The following RSPH14 variants were observed in gnomAD, a reference collection of about 807,000 sequenced individuals.
The protein encoded by RSPH14 is radial spoke head 14 homolog.
RSPH14 carries 20 observed loss-of-function variants against 26.7 expected under a neutral mutation model. The observed-to-expected ratio is 0.75, with a 90% CI of 0.53 to 1.09. The LOEUF is 1.09. Ranked by LOEUF, RSPH14 falls within the 50% of genes least tolerant of loss-of-function variation. The probability of loss-of-function intolerance (pLI) is 0.00; values close to 1 mark genes in which losing one functional copy is unlikely to be tolerated. For synonymous variants in RSPH14, 177 were observed against 189.3 expected (o/e 0.93, Z 0.53); for missense variants, 449 against 457.2 (o/e 0.98, Z 0.16).
At chr22:23,085,684 G>A (rs1000643677) in intron 4 of RSPH14, among the ~76,000 whole-genome samples, 4 of 152,156 alleles carry the variant, frequency 2.6e-5, no homozygotes, top group Admixed American at 6.5e-5. Flanking sequence ...CAGTGCCTCC[G>A]CCCTGGTTGT....
At chr22:23,119,541 C>T (rs1354821690) in intron 4 of RSPH14, among the ~76,000 whole-genome samples, 1 of 152,250 alleles carries the variant, frequency 6.6e-6, no homozygotes, top group Non-Finnish European at 1.5e-5. Context: ...CTGCCAGCAC[C>T]ACACTGTCCC....
chr22:23,156,089 G>T, the RSPH14 span: 1 of 1,491,582 alleles, frequency 6.7e-7, no homozygotes. Context: ...TCCCTGCCGG[G>T]CTCCACAGTG....
At chr22:23,165,003 C>T in the RSPH14 span, among the ~76,000 whole-genome samples, 2 of 151,590 alleles carry the variant, frequency 1.3e-5, no homozygotes, top group Non-Finnish European at 2.9e-5. Flanking sequence ...GACACCCCTA[C>T]TCCCAGAGAG....
intron 4 of RSPH14, among the ~76,000 whole-genome samples, chr22:23,102,838 C>G (rs1213874749): frequency 6.6e-6 from 1 of 152,188 alleles, no homozygotes; most frequent in Non-Finnish European, 1.5e-5. Flanking sequence ...TTGTCAGGTG[C>G]CTTGGCAGAA....
At chr22:23,165,503 A>C in the RSPH14 span, among the ~76,000 whole-genome samples, 1 of 152,232 alleles carries the variant, frequency 6.6e-6, no homozygotes, top group South Asian at 2.1e-4. Flanking sequence ...GGCAGAACTG[A>C]ACAGGTCTCG....
intron 4 of RSPH14, chr22:23,122,228 T>C (rs934585946): frequency 6.6e-6 from 1 of 152,280 alleles, no homozygotes; most frequent in Non-Finnish European, 1.5e-5. Flanking sequence ...AAGAGCATCA[T>C]GCTTCTTAAA....
chr22:23,153,279 C>T, the RSPH14 span: 3 of 683,624 alleles, frequency 4.4e-6, no homozygotes, highest in Non-Finnish European at 7.5e-6. Context: ...CACTTAGCTT[C>T]CTGGCTCCCA....
At chr22:23,123,553 C>T (rs1911810706) in intron 4 of RSPH14, 2 of 636,990 alleles carry the variant, frequency 3.1e-6, no homozygotes, top group South Asian at 1.9e-5. Context: ...TCCCCCACCC[C>T]TTGGCCTCTG....
At chr22:23,100,963 T>C (rs1164748508) in intron 4 of RSPH14, among the ~76,000 whole-genome samples, 1 of 152,248 alleles carries the variant, frequency 6.6e-6, no homozygotes, top group African/African-American at 2.4e-5. Flanking sequence ...CTTGTTTTAG[T>C]GCTTTTAAAA....
chr22:23,099,080 C>T (rs2069214493), intron 4 of RSPH14, among the ~76,000 whole-genome samples: 1 of 152,250 alleles, frequency 6.6e-6, no homozygotes, highest in African/African-American at 2.4e-5. Flanking sequence ...GCTCAGCTTC[C>T]AAGGCCTCAT....
chr22:23,062,408 T>C (rs2068116136), intron 5 of RSPH14, among the ~76,000 whole-genome samples: 1 of 152,180 alleles, frequency 6.6e-6, no homozygotes, highest in Admixed American at 6.5e-5. Context: ...ACTCTGGCAC[T>C]GAATGAAGTT....
intron 4 of RSPH14, among the ~76,000 whole-genome samples, chr22:23,078,784 C>T (rs1402692169): frequency 6.6e-6 from 1 of 152,192 alleles, no homozygotes; most frequent in African/African-American, 2.4e-5. Flanking sequence ...GGGGTGGGAG[C>T]ACACTTGCAG....
chr22:23,106,011 G>A (rs927429937), intron 4 of RSPH14, among the ~76,000 whole-genome samples: 19 of 152,170 alleles, frequency 1.2e-4, no homozygotes, highest in Non-Finnish European at 2.1e-4. Context: ...GGAGCTCCAG[G>A]CCCTTTCGGA....
At chr22:23,114,679 G>A (rs748785267) in intron 4 of RSPH14, among the ~76,000 whole-genome samples, 4 of 152,254 alleles carry the variant, frequency 2.6e-5, no homozygotes, top group African/African-American at 4.8e-5. Context: ...CACGAGGGAA[G>A]TATGCTTACA....
At chr22:23,132,027 C>G (rs1264855842) in intron 4 of RSPH14, among the ~76,000 whole-genome samples, 1 of 152,236 alleles carries the variant, frequency 6.6e-6, no homozygotes, top group Non-Finnish European at 1.5e-5. Context: ...AGTCATTTCT[C>G]TCTGAGCCTT....
chr22:23,090,988 A>G (rs1421926590), intron 4 of RSPH14, among the ~76,000 whole-genome samples: 1 of 152,136 alleles, frequency 6.6e-6, no homozygotes, highest in Non-Finnish European at 1.5e-5. Context: ...CTTCTGCCCC[A>G]GTCGCCTCAG....
intron 4 of RSPH14, among the ~76,000 whole-genome samples, chr22:23,125,632 G>A (rs750883850): frequency 6.6e-6 from 1 of 152,182 alleles, no homozygotes; most frequent in Non-Finnish European, 1.5e-5. Flanking sequence ...CCTTACTAAT[G>A]ATTTTATGTA....
chr22:23,135,703 G>A (rs2146444655), intron 3 of RSPH14, among the ~76,000 whole-genome samples: 1 of 152,130 alleles, frequency 6.6e-6, no homozygotes, highest in Middle Eastern at 3.4e-3. Context: ...AAAAAGCCTG[G>A]GTCCCACATG....
the RSPH14 span, among the ~76,000 whole-genome samples, chr22:23,168,672 T>C: frequency 1.8e-4 from 27 of 152,294 alleles, no homozygotes; most frequent in African/African-American, 6.0e-4. Flanking sequence ...CACATGCTCC[T>C]TCCAGGCAGC....
Sources: gnomAD v4.1 joint callset for allele counts (sites outside exome capture counted in the v4.1 genomes callset) on GRCh38, gnomAD v4.1.1 for gene constraint, MANE v1.5 for transcripts, NCBI Gene and HGNC (gene_info 2026-07-23, HGNC 2026-07-21) for gene names.